VTI1A: variants seen among roughly 807,000 people sequenced by gnomAD.
The protein encoded by VTI1A is vesicle transport through interaction with t-SNAREs homolog 1A.
VTI1A carries 22 observed loss-of-function variants against 34.9 expected under a neutral mutation model. That is an observed-to-expected ratio of 0.63 (90% CI 0.45 to 0.90). The LOEUF (loss-of-function observed/expected upper bound fraction) is 0.90. Ranked by LOEUF, VTI1A falls within the 40% of genes least tolerant of loss-of-function variation. The pLI is 0.00. For synonymous variants in VTI1A, 87 were observed against 97.3 expected, an observed-to-expected ratio of 0.89 and a Z score of 0.62; for missense variants, 268 against 275.6, an observed-to-expected ratio of 0.97 and a Z score of 0.20.
At chr10:112,689,570 C>T (rs138441819) in intron 7 of VTI1A, among the ~76,000 whole-genome samples, 22 of 152,176 alleles carry the variant, frequency 1.4e-4, no homozygotes, top group African/African-American at 4.6e-4. Flanking sequence ...GGGGGATAAA[C>T]GAAAACGTCA....
At chr10:112,505,344 T>C (rs1849388712) in intron 3 of VTI1A, among the ~76,000 whole-genome samples, 2 of 152,214 alleles carry the variant, frequency 1.3e-5, no homozygotes, top group African/African-American at 4.8e-5. Context: ...TTTTGTAGCA[T>C]GCTACCGTAT....
intron 7 of VTI1A, among the ~76,000 whole-genome samples, chr10:112,683,234 T>C (rs776010073): frequency 6.6e-6 from 1 of 152,236 alleles, no homozygotes; most frequent in Non-Finnish European, 1.5e-5. Flanking sequence ...ATTCACCAAA[T>C]ATTTCTGGAG....
chr10:112,781,362 C>T (rs1177813279), intron 7 of VTI1A, among the ~76,000 whole-genome samples: 1 of 152,196 alleles, frequency 6.6e-6, no homozygotes, highest in African/African-American at 2.4e-5. Flanking sequence ...ATGCAGTCTG[C>T]CCCAGGTGTT....
At chr10:112,491,574 G>A (rs539447597) in intron 3 of VTI1A, among the ~76,000 whole-genome samples, 35 of 152,234 alleles carry the variant, frequency 2.3e-4, no homozygotes, top group South Asian at 2.3e-3. Context: ...CAAAAGAGGC[G>A]AAATTGATTT....
chr10:112,530,350 T>A (rs1850373969), intron 4 of VTI1A, among the ~76,000 whole-genome samples: 1 of 152,188 alleles, frequency 6.6e-6, no homozygotes, highest in Non-Finnish European at 1.5e-5. Context: ...AGAGTTGAGT[T>A]CTTGAATGTA....
chr10:112,557,446 A>G (rs899229853), intron 5 of VTI1A, among the ~76,000 whole-genome samples: 49 of 152,288 alleles, frequency 3.2e-4, no homozygotes, highest in African/African-American at 6.5e-4. Context: ...ATTTTGTATA[A>G]AGCAATTATA....
At chr10:112,736,891 T>G in intron 7 of VTI1A, 1 of 727,010 alleles carries the variant, frequency 1.4e-6, no homozygotes, top group South Asian at 1.5e-5. Context: ...CTGGTGGAAG[T>G]ATTTATAGAT....
intron 7 of VTI1A, among the ~76,000 whole-genome samples, chr10:112,803,519 T>C (rs1367350499): frequency 1.3e-5 from 2 of 152,186 alleles, no homozygotes; most frequent in African/African-American, 4.8e-5. Context: ...AGAGTGGACG[T>C]GGGGCCGGAA....
At chr10:112,682,401 A>G (rs1848246709) in intron 7 of VTI1A, among the ~76,000 whole-genome samples, 1 of 152,146 alleles carries the variant, frequency 6.6e-6, no homozygotes, top group Non-Finnish European at 1.5e-5. Context: ...TTACCTTCTG[A>G]ATTTTAACAG....
At chr10:112,474,706 C>T (rs920759437) in intron 3 of VTI1A, among the ~76,000 whole-genome samples, 5 of 152,080 alleles carry the variant, frequency 3.3e-5, no homozygotes, top group African/African-American at 1.2e-4. Context: ...ATCCTCCAGT[C>T]TCAGCCTCCC....
intron 3 of VTI1A, among the ~76,000 whole-genome samples, chr10:112,465,853 TAA>T (rs1847878814): frequency 1.3e-5 from 2 of 152,126 alleles, no homozygotes; most frequent in Admixed American, 1.3e-4. Context: ...GTTAAAATGG[TAA>T]ATTTTATATT....
chr10:112,746,621 A>C (rs551775915), intron 7 of VTI1A, among the ~76,000 whole-genome samples: 1 of 152,132 alleles, frequency 6.6e-6, no homozygotes, highest in East Asian at 1.9e-4. Flanking sequence ...CACGCTAACA[A>C]GCGTGAACCG....
chr10:112,563,568 G>A (rs1042276137), intron 5 of VTI1A, among the ~76,000 whole-genome samples: 5 of 152,036 alleles, frequency 3.3e-5, no homozygotes, highest in African/African-American at 4.8e-5. Flanking sequence ...TTGACCATTC[G>A]ACTTGCGAGC....
intron 7 of VTI1A, among the ~76,000 whole-genome samples, chr10:112,683,841 G>T (rs1354386950): frequency 6.6e-6 from 1 of 152,136 alleles, no homozygotes; most frequent in Non-Finnish European, 1.5e-5. Context: ...TCAGGAGTTC[G>T]AGACCAGCCT....
chr10:112,654,836 G>A (rs1847171177), intron 5 of VTI1A, among the ~76,000 whole-genome samples: 1 of 152,082 alleles, frequency 6.6e-6, no homozygotes, highest in African/African-American at 2.4e-5. Context: ...CTTGAGTTTT[G>A]TTAGTTTCCA....
chr10:112,453,238 A>C lies in VTI1A; in HGVS notation c.94+5771A>C, dbSNP rs999782286. Reference sequence around the variant, plus strand: ...GCATCATTTTCACCACATACCAAGAATACATACTGTCAACATGACTTATCA... The same window carrying C: ...GCATCATTTTCACCACATACCAAGACTACATACTGTCAACATGACTTATCA... On this transcript the variant is annotated intron_variant, in intron 1 of 7. Transcript: ENST00000393077. Among the ~76,000 whole-genome samples the C allele has an allele frequency of 2.0e-5, 3 of 152,316 alleles. No homozygotes were observed. In the East Asian group the frequency reaches 5.8e-4, roughly 29 times the overall value.
At chr10:112,781,464 G>A (rs1429927480) in intron 7 of VTI1A, among the ~76,000 whole-genome samples, 9 of 152,188 alleles carry the variant, frequency 5.9e-5, no homozygotes, top group Admixed American at 5.9e-4. Flanking sequence ...GTGTGGTCCT[G>A]AAGCTAGGCA....
chr10:112,842,278 G>C, the VTI1A span, among the ~76,000 whole-genome samples: 2 of 152,064 alleles, frequency 1.3e-5, no homozygotes, highest in African/African-American at 4.8e-5. Context: ...ATGCTTTCAT[G>C]AGACCTGCCC....
rs138376506 is a variant in VTI1A, at chr10:112,611,673, T to G, written c.428-56545T>G. 5.9e-4 allele frequency among the ~76,000 whole-genome samples: 89 copies of G among 151,922 alleles called. 7 individuals carry two copies. The East Asian group carries it at 0.017, about 28-fold the overall frequency. On this transcript the variant is annotated intron_variant, in intron 5 of 7. Transcript: ENST00000393077. ...AAGAAAAGAAGAAGAAAAAGTGAGT[T>G]TTGCTAATTGCAAAATCTGACAAAA... is the stretch of plus-strand genomic sequence containing the variant.
Sources: gnomAD v4.1 joint callset for allele counts (sites outside exome capture counted in the v4.1 genomes callset) on GRCh38, gnomAD v4.1.1 for gene constraint, MANE v1.5 for transcripts, NCBI Gene and HGNC (gene_info 2026-07-23, HGNC 2026-07-21) for gene names.